The following KLF8 variants were observed in gnomAD, a reference collection of about 807,000 sequenced individuals.
KLF8 encodes the protein KLF transcription factor 8, also known as Krueppel-like factor 8.
KLF8 carries 10 observed loss-of-function variants against 18.2 expected under a neutral mutation model. That is an observed-to-expected ratio of 0.55 (90% CI 0.34 to 0.93). The LOEUF is 0.93. Among genes scored for constraint, KLF8 ranks in the 40% least tolerant of loss-of-function variants. The probability of loss-of-function intolerance (pLI) is 0.02; values close to 1 mark genes in which losing one functional copy is unlikely to be tolerated. For synonymous variants in KLF8, 109 were observed against 97.3 expected, an observed-to-expected ratio of 1.12 and a Z score of -0.71; for missense variants, 264 against 277.9, an observed-to-expected ratio of 0.95 and a Z score of 0.36.
chrX:56,209,600 C>A, the KLF8 span, among the ~76,000 whole-genome samples: 1 of 111,769 alleles, frequency 8.9e-6, no homozygotes, highest in East Asian at 2.8e-4. Flanking sequence ...GCCTGGGTGA[C>A]AGAGGGAGAT....
chrX:56,081,279 A>G, the KLF8 span, among the ~76,000 whole-genome samples: 18 of 110,962 alleles, frequency 1.6e-4, no homozygotes, highest in Non-Finnish European at 3.2e-4. Context: ...TTGTGGTTTT[A>G]TCTACTTTTG....
chrX:56,198,190 C>T, the KLF8 span, among the ~76,000 whole-genome samples: 1 of 111,921 alleles, frequency 8.9e-6, no homozygotes, highest in Admixed American at 9.5e-5. Context: ...AGCAAGGATG[C>T]CCTCTCTCAG....
chrX:56,213,786 A>T, the KLF8 span, among the ~76,000 whole-genome samples: 11 of 111,720 alleles, frequency 9.8e-5, no homozygotes, highest in African/African-American at 3.2e-4. Flanking sequence ...CCATCTGCAG[A>T]TGGCTTAAAT....
chrX:56,187,552 C>T, the KLF8 span, among the ~76,000 whole-genome samples: 10 of 111,451 alleles, frequency 9.0e-5, no homozygotes, highest in Non-Finnish European at 1.7e-4. Flanking sequence ...ATACCAAAGC[C>T]GGGCAGAGAC....
intron 3 of KLF8, chrX:56,268,746 A>G: frequency 1.3e-6 from 1 of 781,932 alleles, no homozygotes; most frequent in South Asian, 5.5e-5. Context: ...CACTGGATCT[A>G]GGAGACTGTT....
chrX:56,155,691 A>T, the KLF8 span, among the ~76,000 whole-genome samples: 1 of 111,530 alleles, frequency 9.0e-6, no homozygotes, highest in Non-Finnish European at 1.9e-5. Flanking sequence ...TAGTTACAGG[A>T]TGTACATTAT....
At chrX:56,078,910 A>G in the KLF8 span, among the ~76,000 whole-genome samples, 1 of 110,512 alleles carries the variant, frequency 9.0e-6, no homozygotes, top group Non-Finnish European at 1.9e-5. Flanking sequence ...TTTCTTCTAG[A>G]TTTTCTAGTT....
At chrX:55,973,374 G>A in the KLF8 span, among the ~76,000 whole-genome samples, 1 of 112,032 alleles carries the variant, frequency 8.9e-6, no homozygotes, top group South Asian at 3.7e-4. Context: ...TTAAATTAAA[G>A]AGGTTCTACC....
the KLF8 span, among the ~76,000 whole-genome samples, chrX:55,925,270 G>A: frequency 5.7e-5 from 6 of 106,033 alleles, no homozygotes; most frequent in African/African-American, 2.1e-4. Context: ...AGTTTAGTTC[G>A]GAAAGGAGGT....
the KLF8 span, among the ~76,000 whole-genome samples, chrX:56,144,280 T>C: frequency 1.8e-5 from 2 of 111,452 alleles, no homozygotes; most frequent in African/African-American, 3.3e-5. Flanking sequence ...GATTTTTACA[T>C]ATAACACCAA....
chrX:56,253,764 CT>C lies in KLF8; in HGVS notation c.81+3474del, dbSNP rs60291877. 3.8e-4 allele frequency among the ~76,000 whole-genome samples: 23 copies of C among 60,095 alleles called. No homozygotes were observed. The East Asian group carries it at 6.6e-3, about 17-fold the overall frequency. 52.2% of individuals were successfully genotyped at this position (60,095 alleles called of 115,157 possible). On this transcript the variant is annotated intron_variant, in intron 2 of 5. Coordinates refer to ENST00000468660, the MANE Select transcript of KLF8 (RefSeq NM_007250.5). ...GTACATAATGTCTTTTTTTCTTTTT[CT>C]TTTTTTTTTTTTTGAGATGTTGTCT...
At chrX:56,159,730 G>T in the KLF8 span, among the ~76,000 whole-genome samples, 5 of 111,562 alleles carry the variant, frequency 4.5e-5, no homozygotes, top group African/African-American at 1.6e-4. Context: ...GATCGGTGGT[G>T]ATATCCCCTT....
chrX:56,165,381 A>G, the KLF8 span, among the ~76,000 whole-genome samples: 2 of 112,237 alleles, frequency 1.8e-5, no homozygotes, highest in African/African-American at 6.5e-5. Context: ...GCTTGGTTGA[A>G]ATGTGTAATG....
chrX:56,155,199 T>C, the KLF8 span, among the ~76,000 whole-genome samples: 8 of 111,629 alleles, frequency 7.2e-5, no homozygotes, highest in Non-Finnish European at 1.5e-4. Flanking sequence ...AGACCTGGAA[T>C]CAACCCAAAT....
the KLF8 span, among the ~76,000 whole-genome samples, chrX:56,044,875 G>A: frequency 8.9e-6 from 1 of 112,279 alleles, no homozygotes; most frequent in Non-Finnish European, 1.9e-5. Context: ...AGTTATGTAT[G>A]GACAGATTTC....
At chrX:56,063,045 A>G in the KLF8 span, among the ~76,000 whole-genome samples, 1 of 110,886 alleles carries the variant, frequency 9.0e-6, no homozygotes, top group African/African-American at 3.3e-5. Context: ...TAAACTGGTT[A>G]TTCTAGTTAG....
At chrX:56,200,287 A>G in the KLF8 span, among the ~76,000 whole-genome samples, 9 of 111,038 alleles carry the variant, frequency 8.1e-5, no homozygotes, top group African/African-American at 2.9e-4. Flanking sequence ...CACAAAAACT[A>G]AAACTTAAGA....
the KLF8 span, among the ~76,000 whole-genome samples, chrX:55,980,372 G>T: frequency 3.6e-5 from 4 of 111,637 alleles, no homozygotes; most frequent in African/African-American, 1.3e-4. Context: ...CTCAGATGGG[G>T]ACAATATGAT....
At chrX:55,952,349 A>G in the KLF8 span, among the ~76,000 whole-genome samples, 55 of 112,721 alleles carry the variant, frequency 4.9e-4, no homozygotes, top group Middle Eastern at 4.6e-3. Context: ...ACAAGTTACC[A>G]CAAACTTAGT....
Sources: allele counts gnomAD v4.1 joint callset (sites outside exome capture counted in the v4.1 genomes callset), GRCh38; gene constraint gnomAD v4.1.1; transcripts MANE v1.5; gene names NCBI Gene and HGNC (gene_info 2026-07-23, HGNC 2026-07-21).